The following MTMR14 variants were observed in gnomAD, a reference collection of about 807,000 sequenced individuals.
MTMR14 encodes myotubularin related protein 14.
MTMR14 carries 48 observed loss-of-function variants against 86.3 expected under a neutral mutation model. That is an observed-to-expected ratio of 0.56 (90% confidence interval 0.44 to 0.71). The LOEUF is 0.71. MTMR14 is among the 30% of genes least tolerant of loss of function. The probability of loss-of-function intolerance (pLI) is 0.00; values close to 1 mark genes in which losing one functional copy is unlikely to be tolerated. For missense variants in MTMR14, 780 were observed against 834.6 expected (o/e 0.93, Z 0.81); for synonymous variants, 366 against 326.1 (o/e 1.12, Z -1.32).
chr3:9,684,805 C>T, intron 11 of MTMR14, 83 bp from the exon 12 acceptor site: 1 of 1,557,534 alleles, frequency 6.4e-7, no homozygotes, highest in Non-Finnish European at 8.9e-7. Context: ...GTTCTTCAGC[C>T]TGCGTTGTCA....
chr3:9,660,229 T>C (rs1038507278), intron 2 of MTMR14, among the ~76,000 whole-genome samples: 2 of 150,882 alleles, frequency 1.3e-5, no homozygotes, highest in Non-Finnish European at 2.9e-5. Flanking sequence ...TAGGGCTGCC[T>C]GGTGGGTTGC....
At chr3:9,651,495 A>G (rs1425355958) in intron 1 of MTMR14, among the ~76,000 whole-genome samples, 1 of 152,194 alleles carries the variant, frequency 6.6e-6, no homozygotes. Context: ...AGCATAAGTT[A>G]CACCTCATAT....
intron 7 of MTMR14, 31 bp downstream of exon 7, chr3:9,672,789 C>T (rs1393785167): frequency 1.2e-6 from 2 of 1,605,090 alleles, no homozygotes; most frequent in East Asian, 4.5e-5. Context: ...GGCAGGCATC[C>T]TAGGACTGGG....
chr3:9,672,737 C>T lies in MTMR14; in HGVS notation c.730C>T (p.Leu244Phe). The change falls in exon 7 of 19, where the codon CTC (leucine) becomes TTC (phenylalanine). Residue 244 changes from leucine to phenylalanine, a missense_variant. By Grantham distance (22) the Leu-to-Phe change is conservative. Coordinates refer to ENST00000296003, the MANE Select transcript of MTMR14 (RefSeq NM_001077525.3). ...DKAQRYADFT[L>F]LSIPYPGCEF... is the part of the protein sequence containing the mutation. Reference sequence around the variant, plus strand: ...AGCCCAGCGCTATGCCGACTTCACTCTCCTCTCCATCCCGTATCCAGGTAG... The same window carrying T: ...AGCCCAGCGCTATGCCGACTTCACTTTCCTCTCCATCCCGTATCCAGGTAG... The T allele has an allele frequency of 6.2e-7, 1 of 1,614,208 alleles. No homozygotes were observed. The highest frequency in any genetic ancestry group is 8.5e-7 in the Non-Finnish European group (1 of 1,180,026).
Position 9,677,922 on chromosome 3 carries a change from C to T in MTMR14, c.823-62C>T. 8 of 1,500,246 alleles carry T rather than the reference C, an allele frequency of 5.3e-6. No individual in the cohort carries two copies. The highest frequency in any genetic ancestry group is 7.4e-6 in the Non-Finnish European group (8 of 1,084,044). The allele number at this position is 1,500,246 out of a possible 1,614,324, so 92.9% of individuals were successfully genotyped here. On this transcript the variant is annotated intron_variant, in intron 8 of 18. Coordinates refer to ENST00000296003, the MANE Select transcript of MTMR14 (RefSeq NM_001077525.3). This position sits in a 1 kb window ranked among gnomAD's most constrained non-coding sequence, Gnocchi z 4.2. ...TCACAGCCTCAGGACTGCAAGCTTC[C>T]CCATCACCTAAGCCTCCTCTGGTGG... is the stretch of plus-strand genomic sequence containing the variant.
chr3:9,682,475 G>A (rs948409732), intron 9 of MTMR14, among the ~76,000 whole-genome samples: 5 of 152,178 alleles, frequency 3.3e-5, no homozygotes, highest in Non-Finnish European at 7.4e-5. Flanking sequence ...CCCTTCCATG[G>A]AGTTCCAGGT....
chr3:9,686,488 C>CT (rs955655614), intron 13 of MTMR14, among the ~76,000 whole-genome samples: 2 of 151,986 alleles, frequency 1.3e-5, no homozygotes, highest in African/African-American at 4.8e-5. Flanking sequence ...TTTCTGTTAC[C>CT]CCCCCCAGAC....
At chr3:9,696,630 C>G (rs2076289010) in intron 17 of MTMR14, among the ~76,000 whole-genome samples, 1 of 152,196 alleles carries the variant, frequency 6.6e-6, no homozygotes, top group East Asian at 1.9e-4. Flanking sequence ...TGGCTGCACT[C>G]CAGTGGCAGC....
chr3:9,690,806 GT>G (rs2076116662), intron 17 of MTMR14, among the ~76,000 whole-genome samples: 1 of 152,170 alleles, frequency 6.6e-6, no homozygotes, highest in Non-Finnish European at 1.5e-5. Flanking sequence ...GTGTTCTAAA[GT>G]TTTGAGAATG....
At chr3:9,661,194 C>T (rs561332166) in intron 2 of MTMR14, among the ~76,000 whole-genome samples, 2 of 152,344 alleles carry the variant, frequency 1.3e-5, no homozygotes, top group East Asian at 3.9e-4. Context: ...GAAACGTCAT[C>T]TCATTCTGCC....
intron 9 of MTMR14, among the ~76,000 whole-genome samples, chr3:9,678,474 G>T (rs953633842): frequency 6.6e-6 from 1 of 152,164 alleles, no homozygotes; most frequent in Non-Finnish European, 1.5e-5. Flanking sequence ...GCTCTTCTCC[G>T]TCATTGCACA....
chr3:9,663,418 T>G (rs2048050976), intron 3 of MTMR14, among the ~76,000 whole-genome samples: 2 of 151,528 alleles, frequency 1.3e-5, no homozygotes, highest in South Asian at 4.2e-4. Context: ...AAATTGATCT[T>G]CTTAAAGCTG....
At chr3:9,662,409 C>T in intron 3 of MTMR14, 34 bp downstream of exon 3, 4 of 1,566,534 alleles carry the variant, frequency 2.6e-6, no homozygotes, top group Non-Finnish European at 3.5e-6. Flanking sequence ...TGCTCCACGA[C>T]TCTCTTCTGG....
At chr3:9,697,527 C>G (rs2076317793) in intron 17 of MTMR14, among the ~76,000 whole-genome samples, 184 bp from the exon 18 acceptor site, 1 of 152,178 alleles carries the variant, frequency 6.6e-6, no homozygotes, top group Non-Finnish European at 1.5e-5. Context: ...GCTGAGCTTA[C>G]CTGGTGATCT....
chr3:9,671,480 T>C (rs1024128740), intron 6 of MTMR14, among the ~76,000 whole-genome samples: 4 of 152,170 alleles, frequency 2.6e-5, no homozygotes, highest in African/African-American at 9.7e-5. Flanking sequence ...TCCAGCTCCA[T>C]GTTCTATGCC....
chr3:9,662,824 A>C (rs1312573446), intron 3 of MTMR14, among the ~76,000 whole-genome samples: 1 of 152,224 alleles, frequency 6.6e-6, no homozygotes, highest in African/African-American at 2.4e-5. Context: ...AAAATACATC[A>C]CCATGTAAAG....
At chr3:9,670,078 T>G (rs1358227719) in intron 5 of MTMR14, among the ~76,000 whole-genome samples, 5 of 152,254 alleles carry the variant, frequency 3.3e-5, no homozygotes, top group Admixed American at 2.6e-4. Flanking sequence ...CCAAATGTTT[T>G]TAGAAAACAA....
chr3:9,667,480 T>A (rs118107044), intron 3 of MTMR14, among the ~76,000 whole-genome samples: 1 of 152,256 alleles, frequency 6.6e-6, no homozygotes, highest in East Asian at 1.9e-4. Context: ...TTTTATCAGA[T>A]TTTCAAATTG....
intron 4 of MTMR14, among the ~76,000 whole-genome samples, chr3:9,669,222 C>A (rs1026074120): frequency 6.6e-6 from 1 of 152,016 alleles, no homozygotes; most frequent in South Asian, 2.1e-4. Context: ...AGATCAGGGG[C>A]CTTCCTTTGA....
Sources: allele counts gnomAD v4.1 joint callset (sites outside exome capture counted in the v4.1 genomes callset), GRCh38; gene constraint gnomAD v4.1.1; non-coding constraint Gnocchi (gnomAD v3.1); transcripts MANE v1.5; gene names NCBI Gene and HGNC (gene_info 2026-07-23, HGNC 2026-07-21).